MLKL: variants seen among roughly 807,000 people sequenced by gnomAD.
MLKL encodes mixed lineage kinase domain like pseudokinase, also known as mixed lineage kinase domain-like protein.
Under a neutral mutation model 56.5 loss-of-function variants are expected in MLKL, and 55 were observed. The ratio of observed to expected loss-of-function variants is 0.97; its 90% CI spans 0.78 to 1.22. The LOEUF (loss-of-function observed/expected upper bound fraction) is 1.22, where lower values mean the gene tolerates loss of function less well. Among genes scored for constraint, MLKL ranks in the 50% most tolerant of loss-of-function variants. The probability of loss-of-function intolerance (pLI) is 0.00; values close to 1 mark genes in which losing one functional copy is unlikely to be tolerated. For missense variants in MLKL, 694 were observed against 573.9 expected (o/e 1.21, Z -2.14); for synonymous variants, 251 against 208.3 (o/e 1.20, Z -1.76).
At chr16:74,693,363 G>C (rs1252611030) in intron 2 of MLKL, among the ~76,000 whole-genome samples, 1 of 150,994 alleles carries the variant, frequency 6.6e-6, no homozygotes, top group Non-Finnish European at 1.5e-5. Flanking sequence ...AACTACTGGG[G>C]TGACTGAGGC....
chr16:74,675,831 T>C (rs897957606), intron 7 of MLKL, 67 bp from the exon 8 acceptor site: 3 of 1,522,036 alleles, frequency 2.0e-6, no homozygotes, highest in African/African-American at 2.8e-5. Flanking sequence ...GGGCAGGGAT[T>C]GTTGCTACAC....
intron 1 of MLKL, among the ~76,000 whole-genome samples, chr16:74,696,565 T>C (rs1302002563): frequency 6.6e-6 from 1 of 151,314 alleles, no homozygotes; most frequent in Non-Finnish European, 1.5e-5. Context: ...GACAGGAGGA[T>C]TGCTTGAGGC....
chr16:74,680,545 C>A (rs967283046), intron 6 of MLKL, among the ~76,000 whole-genome samples: 3 of 151,704 alleles, frequency 2.0e-5, no homozygotes, highest in African/African-American at 7.3e-5. Context: ...CTCGCTCTGT[C>A]GCCCAGGCTG....
At chr16:74,695,193 T>C (rs769660001) in intron 2 of MLKL, 105 bp downstream of exon 2, 2 of 1,236,384 alleles carry the variant, frequency 1.6e-6, no homozygotes, top group Non-Finnish European at 1.1e-6. Context: ...GGTACAAGTA[T>C]ATTACAACTG....
intron 7 of MLKL, chr16:74,676,201 G>C (rs1376582111): frequency 1.0e-6 from 1 of 987,038 alleles, no homozygotes; most frequent in African/African-American, 1.8e-5. Context: ...AATGGCATGG[G>C]GGCATCCCCT....
At position 74,686,452 on chromosome 16, in the gene MLKL, G is replaced by A. The variant is rs570632992; in HGVS notation, c.723-869C>T. On this transcript the variant is annotated intron_variant, in intron 4 of 10. Transcript: ENST00000308807. Reference sequence around the variant, plus strand: ...AAAAAAATTAGCTGGGTGTGGTGGCGGGCGCCTGTAGCCCCAGCTACTTGG... The same window carrying A: ...AAAAAAATTAGCTGGGTGTGGTGGCAGGCGCCTGTAGCCCCAGCTACTTGG... Among the ~76,000 whole-genome samples the A allele has an allele frequency of 2.6e-4, 40 of 152,226 alleles. No homozygotes were observed. In the South Asian group the frequency reaches 4.4e-3, roughly 17 times the overall value.
chr16:74,675,613 C>G lies in MLKL; in HGVS notation c.1190G>C (p.Ser397Thr), dbSNP rs1204588793. The part of the protein sequence containing the change: ...YQYDVKSEIY[S>T]FGIVLWEIAT... Reference sequence around the variant, plus strand: ...AATCTGTACCAGAACGTGAGTGTACCTGTATATTTCAGACTTTACATCATA... The same window carrying G: ...AATCTGTACCAGAACGTGAGTGTACGTGTATATTTCAGACTTTACATCATA... The change falls in exon 8 of 11, where the codon AGC becomes ACC. Residue 397 changes from serine to threonine, a missense_variant and splice_region_variant. Ser to Thr is a moderately conservative substitution (Grantham distance 58, BLOSUM62 1). Coordinates refer to ENST00000308807, the MANE Select transcript of MLKL (RefSeq NM_152649.4). The G allele has an allele frequency of 6.2e-7, 1 of 1,612,410 alleles. No homozygotes were observed. The highest frequency in any genetic ancestry group is 2.2e-5 in the East Asian group (1 of 44,890).
intron 1 of MLKL, among the ~76,000 whole-genome samples, 199 bp from the exon 2 acceptor site, chr16:74,695,958 G>A (rs1012603508): frequency 2.0e-5 from 3 of 152,226 alleles, no homozygotes; most frequent in Non-Finnish European, 4.4e-5. Flanking sequence ...GCTGGGAAGA[G>A]CTGGTCCAGC....
At chr16:74,694,603 A>T (rs1436661538) in intron 2 of MLKL, among the ~76,000 whole-genome samples, 1 of 152,114 alleles carries the variant, frequency 6.6e-6, no homozygotes, top group Non-Finnish European at 1.5e-5. Flanking sequence ...TCTAACTACA[A>T]AAAATAAAAT....
intron 4 of MLKL, among the ~76,000 whole-genome samples, chr16:74,687,571 A>C (rs935010141): frequency 6.6e-6 from 1 of 152,248 alleles, no homozygotes; most frequent in Non-Finnish European, 1.5e-5. Context: ...ACAAGGTTAC[A>C]GTAATGAAGA....
At position 74,672,475 on chromosome 16, in the gene MLKL, A is replaced by G. The variant is rs376040998; in HGVS notation, c.*29T>C. On this transcript the variant is annotated 3_prime_UTR_variant, in exon 11 of 11. Coordinates refer to ENST00000308807, the MANE Select transcript of MLKL (RefSeq NM_152649.4). Reference sequence around the variant, plus strand: ...TTGTGCCTCTCCCAGCTTCTTGTCCAGAGACTCCTTGGTTTAGATTTTGAT... The same window carrying G: ...TTGTGCCTCTCCCAGCTTCTTGTCCGGAGACTCCTTGGTTTAGATTTTGAT... The G allele has an allele frequency of 1.6e-4, 262 of 1,606,970 alleles. 1 individual carries two copies. In the African/African-American group the frequency reaches 2.9e-3, roughly 18 times the overall value.
Position 74,675,658 on chromosome 16 carries a change from A to G in MLKL, c.1145T>C (p.Leu382Pro). The G allele has an allele frequency of 6.2e-7, 1 of 1,614,074 alleles. No homozygotes were observed. The highest frequency in any genetic ancestry group is 8.5e-7 in the Non-Finnish European group (1 of 1,180,002). ...KSTAYLSPQE[L>P]EDVFYQYDVK... is the part of the protein sequence containing the mutation. ...ATCATATTGATAAAATACATCTTCC[A>G]GTTCCTGAGGTGAGAGATATGCTGT... Residue 382 changes from leucine to proline, a missense_variant, in exon 8 of 11, where the codon CTG becomes CCG. Transcript: ENST00000308807.
At position 74,672,369 on chromosome 16, in the gene MLKL, T is replaced by C. The variant is rs1367739522; in HGVS notation, c.*135A>G. The C allele has an allele frequency of 2.6e-6, 2 of 767,096 alleles. No homozygotes were observed. The highest frequency in any genetic ancestry group is 4.6e-5 in the Admixed American group (2 of 43,790). 47.5% of individuals were successfully genotyped at this position (767,096 alleles called of 1,614,324 possible). ...CCTGTATGACTGGAATCGTTTTCTA[T>C]TTGTAACAGAGAAGCGTGCCCACTC... On this transcript the variant is annotated 3_prime_UTR_variant, in exon 11 of 11. Transcript: ENST00000308807.
chr16:74,675,602 C>A lies in MLKL; in HGVS notation c.1190+11G>T. On this transcript the variant is annotated intron_variant, in intron 8 of 10. Transcript: ENST00000308807. The stretch of plus-strand genomic sequence containing the variant: ...ATCTGAGTTAGAATCTGTACCAGAA[C>A]GTGAGTGTACCTGTATATTTCAGAC... 1.2e-6 allele frequency: 2 copies of A among 1,610,276 alleles called. No individual in the cohort carries two copies. Among genetic ancestry groups the A allele is most frequent in the Non-Finnish European group, 8.5e-7 (1 of 1,178,740 alleles).
At chr16:74,673,465 G>A (rs1321773886) in intron 10 of MLKL, among the ~76,000 whole-genome samples, 3 of 152,108 alleles carry the variant, frequency 2.0e-5, no homozygotes, top group African/African-American at 7.2e-5. Context: ...TGATCTGCCT[G>A]CCTCAGCCTC....
At chr16:74,677,574 T>G (rs1364501822) in intron 7 of MLKL, 1 of 152,318 alleles carries the variant, frequency 6.6e-6, no homozygotes, top group Non-Finnish European at 1.5e-5. Context: ...AAGGCTGGTC[T>G]TGAACTCTTG....
At chr16:74,687,603 C>G (rs76333498) in intron 4 of MLKL, among the ~76,000 whole-genome samples, 7,202 of 152,094 alleles carry the variant, frequency 0.047, 238 homozygotes, top group Non-Finnish European at 0.074. Context: ...TATCATAAGA[C>G]TAGACAAACA....
At chr16:74,683,855 T>C (rs1042909562) in intron 5 of MLKL, among the ~76,000 whole-genome samples, 1 of 152,186 alleles carries the variant, frequency 6.6e-6, no homozygotes, top group African/African-American at 2.4e-5. Context: ...TCCCCATTCA[T>C]GGGCCTGAGC....
intron 10 of MLKL, 53 bp downstream of exon 10, chr16:74,674,907 C>G (rs1314374223): frequency 4.4e-6 from 7 of 1,576,530 alleles, no homozygotes; most frequent in Non-Finnish European, 5.2e-6. Context: ...AAATCTTTCA[C>G]AAGTGTGAAA....
Sources: allele counts gnomAD v4.1 joint callset (sites outside exome capture counted in the v4.1 genomes callset), GRCh38; gene constraint gnomAD v4.1.1; transcripts MANE v1.5; gene names NCBI Gene and HGNC (gene_info 2026-07-23, HGNC 2026-07-21).